FAM20B: variants seen among roughly 807,000 people sequenced by gnomAD.
FAM20B encodes the protein FAM20B glycosaminoglycan xylosylkinase.
Under a neutral mutation model 43.8 loss-of-function variants are expected in FAM20B, and 23 were observed. The ratio of observed to expected loss-of-function variants is 0.53; its 90% CI spans 0.38 to 0.74. The LOEUF is 0.74. Among genes scored for constraint, FAM20B ranks in the 30% least tolerant of loss-of-function variants. The pLI is 0.00. For missense variants in FAM20B, 440 were observed against 510.5 expected, an observed-to-expected ratio of 0.86 and a Z score of 1.33; for synonymous variants, 178 against 192.4, an observed-to-expected ratio of 0.93 and a Z score of 0.62.
intron 1 of FAM20B, among the ~76,000 whole-genome samples, chr1:179,038,355 G>T (rs1015273415): frequency 1.3e-5 from 2 of 150,464 alleles, no homozygotes; most frequent in African/African-American, 4.9e-5. Context: ...AGGTTGTGGT[G>T]AGCCGAGATT....
intron 2 of FAM20B, among the ~76,000 whole-genome samples, chr1:179,047,240 T>C (rs929610662): frequency 3.3e-5 from 5 of 152,112 alleles, no homozygotes; most frequent in Admixed American, 6.6e-5. Flanking sequence ...TGCTTCATCT[T>C]ATATCTCTTA....
intron 2 of FAM20B, among the ~76,000 whole-genome samples, chr1:179,045,080 T>C (rs72707296): frequency 0.14 from 21,510 of 152,248 alleles, 1,767 homozygotes; most frequent in East Asian, 0.31. Flanking sequence ...ATGTTGTTCA[T>C]GATCCCTTTG....
upstream of FAM20B, among the ~76,000 whole-genome samples, chr1:179,022,538 T>C (rs1338387972): frequency 3.3e-5 from 5 of 152,156 alleles, no homozygotes; most frequent in East Asian, 9.6e-4. Context: ...TCCTTCTAAC[T>C]TGGGATTGCT....
chr1:179,031,199 C>T (rs1021775110), intron 1 of FAM20B, among the ~76,000 whole-genome samples: 3 of 152,210 alleles, frequency 2.0e-5, no homozygotes, highest in African/African-American at 7.2e-5. Context: ...CAACACTATA[C>T]AGGAATTACC....
At chr1:179,064,649 T>C (rs12131324) in intron 6 of FAM20B, among the ~76,000 whole-genome samples, 153 bp downstream of exon 6, 8,994 of 152,262 alleles carry the variant, frequency 0.059, 334 homozygotes, top group South Asian at 0.12. Context: ...TACCTGTCCT[T>C]CTCTCCACTC....
intron 1 of FAM20B, among the ~76,000 whole-genome samples, 180 bp from the exon 2 acceptor site, chr1:179,043,535 G>T (rs1202693936): frequency 1.3e-5 from 2 of 152,148 alleles, no homozygotes; most frequent in African/African-American, 4.8e-5. Flanking sequence ...TGCTCCAGTT[G>T]GGCCACTGCT....
the FAM20B span, among the ~76,000 whole-genome samples, chr1:179,017,982 C>T: frequency 2.6e-5 from 4 of 152,102 alleles, no homozygotes; most frequent in Non-Finnish European, 5.9e-5. Context: ...ATGAACTTTG[C>T]CTTTTCTTGA....
At chr1:179,045,297 A>G (rs1460873461) in intron 2 of FAM20B, among the ~76,000 whole-genome samples, 3 of 152,212 alleles carry the variant, frequency 2.0e-5, no homozygotes, top group African/African-American at 7.2e-5. Context: ...TTACCAATGA[A>G]TATTCTCAAA....
At chr1:179,062,060 G>T (rs141771709) in intron 4 of FAM20B, among the ~76,000 whole-genome samples, 23 of 151,946 alleles carry the variant, frequency 1.5e-4, no homozygotes, top group Non-Finnish European at 2.5e-4. Flanking sequence ...AGGCTGGAGT[G>T]CAGTGGCGCA....
intron 7 of FAM20B, among the ~76,000 whole-genome samples, chr1:179,070,136 C>CCCAGGTT (rs1235263349): frequency 1.2e-4 from 18 of 152,006 alleles, no homozygotes; most frequent in Admixed American, 1.2e-3. Flanking sequence ...ACCTCCGCCT[C>CCCAGGTT]CCAGGTTCAA....
At chr1:179,069,342 C>T (rs566658845) in intron 7 of FAM20B, among the ~76,000 whole-genome samples, 3 of 152,234 alleles carry the variant, frequency 2.0e-5, no homozygotes, top group East Asian at 1.9e-4. Context: ...TCCCATCCGT[C>T]GTAGCAGAGC....
At chr1:179,037,835 A>G (rs1242919910) in intron 1 of FAM20B, among the ~76,000 whole-genome samples, 1 of 152,062 alleles carries the variant, frequency 6.6e-6, no homozygotes, top group African/African-American at 2.4e-5. Context: ...TGAATTGTTT[A>G]TGGCCCTGAA....
Position 179,064,326 on chromosome 1 carries a change from C to T in FAM20B, c.768C>T (p.Tyr256=), listed in dbSNP as rs775086684. 4.3e-6 allele frequency: 7 copies of T among 1,611,770 alleles called. No homozygotes were observed. Among genetic ancestry groups the T allele is most frequent in the Non-Finnish European group, 1.7e-6 (2 of 1,178,384 alleles). The change falls in exon 6 of 8, where the codon TAC becomes TAT. Residue 256 remains tyrosine, a synonymous_variant. Coordinates refer to ENST00000263733, the MANE Select transcript of FAM20B (RefSeq NM_014864.4). The part of the protein sequence containing the change: ...KLARWEYDES[Y]CDAVKKTSPY... ...CCAGGTGGGAGTATGATGAGAGCTA[C>T]TGTGATGCTGTGAAGAAAACGTCCC...
chr1:179,051,048 G>A (rs1445567889), intron 3 of FAM20B, among the ~76,000 whole-genome samples: 3 of 151,588 alleles, frequency 2.0e-5, no homozygotes, highest in Non-Finnish European at 4.4e-5. Flanking sequence ...CTTGAACCCA[G>A]GAGGCACAGC....
chr1:179,074,283 T>G lies in FAM20B; in HGVS notation c.*2139T>G, dbSNP rs1652049672. Reference sequence around the variant, plus strand: ...CCAAAGGAGGCATTGATTTCAGTTTTAAGGCTACTCAGTGTTGTGTGTCCA... The same window carrying G: ...CCAAAGGAGGCATTGATTTCAGTTTGAAGGCTACTCAGTGTTGTGTGTCCA... On this transcript the variant is annotated 3_prime_UTR_variant, in exon 8 of 8. Coordinates refer to ENST00000263733, the MANE Select transcript of FAM20B (RefSeq NM_014864.4). 1 of 152,658 alleles carries G rather than the reference T, an allele frequency of 6.6e-6. No homozygotes were observed. The highest frequency in any genetic ancestry group is 1.5e-5 in the Non-Finnish European group (1 of 68,038). The allele number at this position is 152,658 out of a possible 1,614,324, so 9.5% of individuals were successfully genotyped here. A position where few individuals can be genotyped will look rare whatever the true frequency, so the allele number is the denominator to read the frequency against.
intron 4 of FAM20B, among the ~76,000 whole-genome samples, chr1:179,062,054 T>TG (rs934541116): frequency 2.9e-4 from 44 of 151,994 alleles, no homozygotes; most frequent in African/African-American, 1.0e-3. Flanking sequence ...TCTCCCAGGC[T>TG]GGAGTGCAGT....
intron 1 of FAM20B, among the ~76,000 whole-genome samples, chr1:179,040,634 T>C (rs1247250117): frequency 1.6e-5 from 2 of 126,756 alleles, no homozygotes; most frequent in African/African-American, 6.7e-5. Context: ...GCCCCTCACC[T>C]CCCGGACGGG....
Position 179,043,773 on chromosome 1 carries a change from C to T in FAM20B, c.-75C>T, listed in dbSNP as rs1481289771. 7 of 1,421,486 alleles carry T rather than the reference C, an allele frequency of 4.9e-6. No homozygotes were observed. Among genetic ancestry groups the T allele is most frequent in the African/African-American group, 4.3e-5 (3 of 70,112 alleles). The allele number at this position is 1,421,486 out of a possible 1,614,324, so 88.1% of individuals were successfully genotyped here. ...CCAATGTGTATAATCATGGAATCTC[C>T]TTGCTAACCATCACCACCAGCTCTC... is the stretch of plus-strand genomic sequence containing the variant. On this transcript the variant is annotated 5_prime_UTR_variant, in exon 2 of 8. Transcript: ENST00000263733.
At chr1:179,062,955 A>G (rs774352595) in intron 4 of FAM20B, among the ~76,000 whole-genome samples, 16 of 152,070 alleles carry the variant, frequency 1.1e-4, no homozygotes, top group Non-Finnish European at 2.2e-4. Context: ...CCTAATGAAG[A>G]AGAGGAGGAT....
Sources: allele counts gnomAD v4.1 joint callset (sites outside exome capture counted in the v4.1 genomes callset), GRCh38; gene constraint gnomAD v4.1.1; transcripts MANE v1.5; gene names NCBI Gene and HGNC (gene_info 2026-07-23, HGNC 2026-07-21).